The following CFAP299 variants were observed in gnomAD, a reference collection of about 807,000 sequenced individuals.
CFAP299 encodes cilia- and flagella-associated protein 299.
CFAP299 carries 21 observed loss-of-function variants against 27.0 expected under a neutral mutation model. That is an observed-to-expected ratio of 0.78 (90% confidence interval 0.55 to 1.12). The LOEUF is 1.12. Among genes scored for constraint, CFAP299 ranks in the 50% most tolerant of loss-of-function variants. The pLI is 0.00. For missense variants in CFAP299, 310 were observed against 276.6 expected (o/e 1.12, Z -0.86); for synonymous variants, 104 against 98.1 (o/e 1.06, Z -0.36).
chr4:80,550,816 C>A (rs763584701), intron 2 of CFAP299, among the ~76,000 whole-genome samples: 2 of 151,564 alleles, frequency 1.3e-5, no homozygotes, highest in Non-Finnish European at 3.0e-5. Context: ...CATGCATAGT[C>A]CTAAATATGA....
intron 2 of CFAP299, among the ~76,000 whole-genome samples, chr4:80,397,517 C>T (rs137963163): frequency 0.019 from 2,893 of 152,158 alleles, 53 homozygotes; most frequent in African/African-American, 0.043. Flanking sequence ...TTGTGGGTAT[C>T]TAAGCTATAA....
In CFAP299 at chr4:80,644,323, A is replaced by G. The variant is rs546230364; in HGVS notation, c.333+61140A>G. On this transcript the variant is annotated intron_variant, in intron 3 of 5. Transcript: ENST00000358105. Reference sequence around the variant, plus strand: ...GGGTTATGGAGGGATTAGCAGGTTTATTTTTATAGATCTTTTCATTGTTTT... The same window carrying G: ...GGGTTATGGAGGGATTAGCAGGTTTGTTTTTATAGATCTTTTCATTGTTTT... Among the ~76,000 whole-genome samples, 3 of 152,244 alleles carry G rather than the reference A, an allele frequency of 2.0e-5. No individual in the cohort carries two copies. In the East Asian group the frequency reaches 5.8e-4, roughly 29 times the overall value.
intron 3 of CFAP299, among the ~76,000 whole-genome samples, chr4:80,671,676 A>G (rs1307330841): frequency 6.6e-6 from 1 of 152,108 alleles, no homozygotes; most frequent in Non-Finnish European, 1.5e-5. Context: ...TTTGTTGAGC[A>G]GTAGTTTGTA....
rs77565445 is a variant in CFAP299 at position 80,669,574 on chromosome 4, C to CT, written c.333+86405dup. On this transcript the variant is annotated intron_variant, in intron 3 of 5. Coordinates refer to ENST00000358105, the MANE Select transcript of CFAP299 (RefSeq NM_152770.3). Reference sequence around the variant, plus strand: ...TCATTTATCAGTTCTAACAGTTTTTCTTTTTTTTTTTTTTGGTAGAGTCTT... The same window carrying CT: ...TCATTTATCAGTTCTAACAGTTTTTCTTTTTTTTTTTTTTTGGTAGAGTCTT... Among the ~76,000 whole-genome samples, 968 of 133,498 alleles carry CT rather than the reference C, an allele frequency of 7.3e-3. 6 individuals are homozygous for CT. Among genetic ancestry groups the CT allele is most frequent in the South Asian group, 8.5e-3 (35 of 4,112 alleles). The allele number at this position is 133,498 out of a possible 152,430, so 87.6% of individuals were successfully genotyped here.
chr4:80,901,882 A>G lies in CFAP299; in HGVS notation c.476+31747A>G, dbSNP rs569528690. 1.1e-3 allele frequency among the ~76,000 whole-genome samples: 165 copies of G among 152,246 alleles called. 1 individual carries two copies. Among genetic ancestry groups the G allele is most frequent in the Non-Finnish European group, 1.9e-3 (127 of 67,998 alleles). On this transcript the variant is annotated intron_variant, in intron 4 of 5. Coordinates refer to ENST00000358105, the MANE Select transcript of CFAP299 (RefSeq NM_152770.3). Reference sequence around the variant, plus strand: ...TTTTCATTTTTCCTTCTCAAGGATTACCAGCTGAGTTTTTCCCCGTCCTCC... The same window carrying G: ...TTTTCATTTTTCCTTCTCAAGGATTGCCAGCTGAGTTTTTCCCCGTCCTCC...
chr4:80,672,129 T>G (rs1232959172), intron 3 of CFAP299, among the ~76,000 whole-genome samples: 1 of 152,232 alleles, frequency 6.6e-6, no homozygotes, highest in East Asian at 1.9e-4. Context: ...AGTATAATAT[T>G]GGCTGTGGGT....
At chr4:80,766,758 A>G (rs1047925049) in intron 3 of CFAP299, among the ~76,000 whole-genome samples, 3 of 152,224 alleles carry the variant, frequency 2.0e-5, no homozygotes, top group South Asian at 2.1e-4. Context: ...TGTGAGTGTC[A>G]GAGAACACTA....
At chr4:80,323,744 T>C in the CFAP299 span, among the ~76,000 whole-genome samples, 8 of 152,316 alleles carry the variant, frequency 5.3e-5, no homozygotes, top group Non-Finnish European at 1.0e-4. Flanking sequence ...ATTATGCAGG[T>C]CAATCTTCCA....
rs370723466 is a variant in CFAP299, at chr4:80,795,306, A to G, written c.334-74687A>G. Among the ~76,000 whole-genome samples the G allele has an allele frequency of 2.4e-4, 36 of 152,286 alleles. No individual in the cohort carries two copies. In the South Asian group the frequency reaches 6.6e-3, roughly 28 times the overall value. ...GCCACAGCCCATGAATCAGTATATA[A>G]TTGCACAACTGGCCATTTCTCCTTT... On this transcript the variant is annotated intron_variant, in intron 3 of 5. Transcript: ENST00000358105.
chr4:80,428,834 A>G (rs1024403128), intron 2 of CFAP299, among the ~76,000 whole-genome samples: 2 of 151,990 alleles, frequency 1.3e-5, no homozygotes, highest in South Asian at 4.1e-4. Context: ...CCACCACACC[A>G]GGCCAACATT....
At chr4:80,893,834 G>A (rs772998572) in intron 4 of CFAP299, among the ~76,000 whole-genome samples, 27 of 152,016 alleles carry the variant, frequency 1.8e-4, no homozygotes, top group African/African-American at 5.8e-4. Context: ...GAACCAGCAA[G>A]CACAGGCAAC....
intron 2 of CFAP299, among the ~76,000 whole-genome samples, chr4:80,433,571 C>T (rs891982475): frequency 2.0e-5 from 3 of 152,054 alleles, no homozygotes; most frequent in Admixed American, 6.5e-5. Context: ...ACTTGGTTGT[C>T]ACTGATTTAA....
intron 2 of CFAP299, among the ~76,000 whole-genome samples, chr4:80,414,164 G>T (rs1031905017): frequency 7.0e-6 from 1 of 143,540 alleles, no homozygotes; most frequent in African/African-American, 2.6e-5. Flanking sequence ...TCCGCCTCCC[G>T]GGTTCACGCC....
rs914542521 is a variant in CFAP299 at position 80,387,107 on chromosome 4, T to C, written c.242+24223T>C. 1.2e-5 allele frequency: 18 copies of C among 1,444,426 alleles called. No homozygotes were observed. The African/African-American group carries it at 2.2e-4, about 18-fold the overall frequency. 89.5% of individuals were successfully genotyped at this position (1,444,426 alleles called of 1,614,324 possible). A position where few individuals can be genotyped will look rare whatever the true frequency, so the allele number is the denominator to read the frequency against. On this transcript the variant is annotated intron_variant, in intron 2 of 5. Coordinates refer to ENST00000358105, the MANE Select transcript of CFAP299 (RefSeq NM_152770.3). ...TCTGCAGGTGATGCTCCAGGGCCTC[T>C]GGGGTGGATATTTGTTGACACGTTT...
At chr4:80,400,058 A>G (rs1440078232) in intron 2 of CFAP299, among the ~76,000 whole-genome samples, 2 of 152,198 alleles carry the variant, frequency 1.3e-5, no homozygotes, top group African/African-American at 4.8e-5. Context: ...TTGTGATGTT[A>G]TAAGTTTTGA....
chr4:80,464,667 T>C (rs1003171847), intron 2 of CFAP299, among the ~76,000 whole-genome samples: 1 of 152,188 alleles, frequency 6.6e-6, no homozygotes, highest in African/African-American at 2.4e-5. Flanking sequence ...TTAAAATAAT[T>C]CATTTTAATA....
At chr4:80,586,317 A>T (rs1005011816) in intron 3 of CFAP299, among the ~76,000 whole-genome samples, 1 of 152,144 alleles carries the variant, frequency 6.6e-6, no homozygotes, top group Admixed American at 6.5e-5. Context: ...AATAAAATAG[A>T]TATAGAAAAT....
At chr4:80,925,638 A>G (rs955775501) in intron 4 of CFAP299, among the ~76,000 whole-genome samples, 1 of 152,048 alleles carries the variant, frequency 6.6e-6, no homozygotes, top group African/African-American at 2.4e-5. Flanking sequence ...CAAGTGTATA[A>G]GTGTCTAAAA....
At chr4:80,415,738 CTG>C (rs1428652770) in intron 2 of CFAP299, among the ~76,000 whole-genome samples, 2 of 152,166 alleles carry the variant, frequency 1.3e-5, no homozygotes, top group Non-Finnish European at 2.9e-5. Flanking sequence ...TAAAATCCCA[CTG>C]TCCAATTTTA....
Sources: allele counts gnomAD v4.1 joint callset (sites outside exome capture counted in the v4.1 genomes callset), GRCh38; gene constraint gnomAD v4.1.1; transcripts MANE v1.5; gene names NCBI Gene and HGNC (gene_info 2026-07-23, HGNC 2026-07-21).